Variants in CTNNA2 observed in about 807,000 individuals in gnomAD.
The protein encoded by CTNNA2 is catenin alpha 2.
In CTNNA2, 42 loss-of-function variants were observed where a neutral mutation model predicts 101.0. The observed-to-expected ratio is 0.42, with a 90% CI of 0.32 to 0.54. The LOEUF (loss-of-function observed/expected upper bound fraction) is 0.54, where lower values mean the gene tolerates loss of function less well. Ranked by LOEUF, CTNNA2 falls within the 20% of genes least tolerant of loss-of-function variation. CTNNA2 has a pLI of 0.14. For synonymous variants in CTNNA2, 450 were observed against 456.4 expected (o/e 0.99, Z 0.18); for missense variants, 871 against 1,223.1 (o/e 0.71, Z 4.29).
chr2:79,602,076 G>A (rs982254564), intron 1 of CTNNA2, among the ~76,000 whole-genome samples: 3 of 152,124 alleles, frequency 2.0e-5, no homozygotes, highest in African/African-American at 7.2e-5. Context: ...GTGTTATAGT[G>A]TCTGCTGAAT....
intron 2 of CTNNA2, among the ~76,000 whole-genome samples, chr2:79,209,526 A>C (rs1674142358): frequency 1.3e-5 from 2 of 152,172 alleles, no homozygotes; most frequent in African/African-American, 4.8e-5. Context: ...ACACATGTTT[A>C]TTCTTGTATC....
intron 7 of CTNNA2, among the ~76,000 whole-genome samples, chr2:79,948,272 G>T (rs1324769687): frequency 1.3e-5 from 2 of 152,196 alleles, no homozygotes; most frequent in African/African-American, 4.8e-5. Flanking sequence ...ATGGTTGCCG[G>T]CTGGTATATC....
chr2:80,207,086 A>G (rs944980381), intron 7 of CTNNA2, among the ~76,000 whole-genome samples: 4 of 152,196 alleles, frequency 2.6e-5, no homozygotes, highest in Non-Finnish European at 5.9e-5. Context: ...TCTTCCCCTG[A>G]TAAATGAAGG....
intron 9 of CTNNA2, among the ~76,000 whole-genome samples, chr2:80,543,872 G>C (rs551213751): frequency 1.3e-5 from 2 of 152,288 alleles, no homozygotes; most frequent in African/African-American, 4.8e-5. Context: ...CAGGGATTCT[G>C]TCTGCTAATC....
chr2:80,197,807 C>T (rs1356092432), intron 7 of CTNNA2, among the ~76,000 whole-genome samples: 2 of 152,148 alleles, frequency 1.3e-5, no homozygotes, highest in Non-Finnish European at 2.9e-5. Flanking sequence ...AAGCTAGTAT[C>T]CATACTTGCT....
chr2:80,015,757 C>T (rs1053495437), intron 7 of CTNNA2, among the ~76,000 whole-genome samples: 3 of 152,172 alleles, frequency 2.0e-5, no homozygotes, highest in Non-Finnish European at 4.4e-5. Context: ...GATTGTTAGG[C>T]GTCTCTACTT....
chr2:79,972,136 C>T (rs1690530528), intron 7 of CTNNA2, among the ~76,000 whole-genome samples: 1 of 152,120 alleles, frequency 6.6e-6, no homozygotes, highest in African/African-American at 2.4e-5. Flanking sequence ...CTGGCAGGCA[C>T]AGTTCATCGT....
At chr2:80,304,939 G>A (rs1676776533) in intron 7 of CTNNA2, 1 of 314,956 alleles carries the variant, frequency 3.2e-6, no homozygotes, top group South Asian at 1.2e-4. Context: ...AAGGAGGGGG[G>A]AGGGAGGTGG....
chr2:79,332,762 C>CCATTT (rs2104420067), intron 3 of CTNNA2, among the ~76,000 whole-genome samples: 1 of 152,238 alleles, frequency 6.6e-6, no homozygotes, highest in South Asian at 2.1e-4. Context: ...CACACCCTGT[C>CCATTT]CATTTCCAAC....
chr2:79,378,584 G>A (rs1573137014), intron 4 of CTNNA2, among the ~76,000 whole-genome samples: 1 of 152,070 alleles, frequency 6.6e-6, no homozygotes, highest in Admixed American at 6.6e-5. Context: ...TCGAGGAGAT[G>A]TTACATGTCA....
At chr2:80,247,763 A>G (rs576434786) in intron 7 of CTNNA2, among the ~76,000 whole-genome samples, 17 of 152,216 alleles carry the variant, frequency 1.1e-4, no homozygotes, top group African/African-American at 3.1e-4. Context: ...CAAAACACTC[A>G]CCCATAAGCA....
chr2:79,248,138 C>T (rs1309975896), intron 2 of CTNNA2, among the ~76,000 whole-genome samples: 2 of 152,152 alleles, frequency 1.3e-5, no homozygotes, highest in South Asian at 2.1e-4. Context: ...CTCAGAAATA[C>T]TGTCTCAGAG....
chr2:80,112,771 T>C (rs1701298566), intron 7 of CTNNA2, among the ~76,000 whole-genome samples: 1 of 152,190 alleles, frequency 6.6e-6, no homozygotes, highest in African/African-American at 2.4e-5. Flanking sequence ...TCAGATGGTG[T>C]GTGCCAACAA....
At chr2:80,014,267 G>T (rs962061234) in intron 7 of CTNNA2, among the ~76,000 whole-genome samples, 1 of 152,096 alleles carries the variant, frequency 6.6e-6, no homozygotes, top group Non-Finnish European at 1.5e-5. Context: ...AGCAGAAGCT[G>T]CAGGAGGAAG....
chr2:80,238,875 G>T (rs1376783974), intron 7 of CTNNA2, among the ~76,000 whole-genome samples: 1 of 152,148 alleles, frequency 6.6e-6, no homozygotes, highest in African/African-American at 2.4e-5. Flanking sequence ...AATTACTACC[G>T]GCCACCTAGT....
intron 3 of CTNNA2, among the ~76,000 whole-genome samples, chr2:79,342,388 G>A (rs1677157739): frequency 6.6e-6 from 1 of 152,160 alleles, no homozygotes; most frequent in Non-Finnish European, 1.5e-5. Context: ...GCCTGATAGA[G>A]TATTGATGTT....
At chr2:79,479,525 C>G (rs1169775113) in intron 4 of CTNNA2, among the ~76,000 whole-genome samples, 1 of 152,168 alleles carries the variant, frequency 6.6e-6, no homozygotes, top group East Asian at 1.9e-4. Flanking sequence ...TACTAGAGCT[C>G]TCAGTGAGTT....
chr2:79,699,344 C>T (rs1038428402), intron 2 of CTNNA2, among the ~76,000 whole-genome samples: 2 of 152,012 alleles, frequency 1.3e-5, no homozygotes, highest in Admixed American at 1.3e-4. Flanking sequence ...ATCATAAAAA[C>T]ATGTACCTCA....
At chr2:80,188,124 A>G (rs1346389957) in intron 7 of CTNNA2, among the ~76,000 whole-genome samples, 1 of 152,134 alleles carries the variant, frequency 6.6e-6, no homozygotes, top group Non-Finnish European at 1.5e-5. Flanking sequence ...TTCGAATTTC[A>G]TCTGTTATTT....
Sources: gnomAD v4.1 joint callset for allele counts (sites outside exome capture counted in the v4.1 genomes callset) on GRCh38, gnomAD v4.1.1 for gene constraint, MANE v1.5 for transcripts, NCBI Gene and HGNC (gene_info 2026-07-23, HGNC 2026-07-21) for gene names.